Variants in NECAB1 observed in about 807,000 individuals in gnomAD.
NECAB1 encodes the protein N-terminal EF-hand calcium-binding protein 1.
In NECAB1, 29 loss-of-function variants were observed where a neutral mutation model predicts 57.5. The ratio of observed to expected loss-of-function variants is 0.50; its 90% CI spans 0.38 to 0.69. The LOEUF (loss-of-function observed/expected upper bound fraction) is 0.69, where lower values mean the gene tolerates loss of function less well. Among genes scored for constraint, NECAB1 ranks in the 30% least tolerant of loss-of-function variants. The pLI is 0.00. For synonymous variants in NECAB1, 142 were observed against 147.7 expected, an observed-to-expected ratio of 0.96 and a Z score of 0.28; for missense variants, 372 against 413.8, an observed-to-expected ratio of 0.90 and a Z score of 0.88.
At chr8:90,881,472 G>A (rs1808835892) in intron 5 of NECAB1, among the ~76,000 whole-genome samples, 3 of 152,126 alleles carry the variant, frequency 2.0e-5, no homozygotes, top group Non-Finnish European at 4.4e-5. Context: ...GGGGCCTGGT[G>A]GGAGATGATT....
At chr8:90,825,709 A>G (rs1394702273) in intron 3 of NECAB1, among the ~76,000 whole-genome samples, 7 of 151,922 alleles carry the variant, frequency 4.6e-5, no homozygotes, top group Admixed American at 1.3e-4. Flanking sequence ...AAGAAAAATT[A>G]AAAGATTAAA....
At chr8:90,928,883 TTTAG>T (rs1810340981) in intron 8 of NECAB1, among the ~76,000 whole-genome samples, 1 of 152,212 alleles carries the variant, frequency 6.6e-6, no homozygotes, top group Non-Finnish European at 1.5e-5. Context: ...TTTTTATTAA[TTTAG>T]TTAGTACCAA....
chr8:90,862,162 G>A lies in NECAB1; in HGVS notation c.234-9966G>A, dbSNP rs1399308769. 3.3e-5 allele frequency among the ~76,000 whole-genome samples: 5 copies of A among 152,276 alleles called. 1 individual carries two copies. The East Asian group carries it at 9.6e-4, about 29-fold the overall frequency. On this transcript the variant is annotated intron_variant, in intron 3 of 12. Coordinates refer to ENST00000417640, the MANE Select transcript of NECAB1 (RefSeq NM_022351.5). Reference sequence around the variant, plus strand: ...ATACTCTATATGGATAAAGACAGATGTCTGAGATATGTTTTCAAGTAAATC... The same window carrying A: ...ATACTCTATATGGATAAAGACAGATATCTGAGATATGTTTTCAAGTAAATC...
intron 3 of NECAB1, among the ~76,000 whole-genome samples, chr8:90,866,033 A>G (rs1224017139): frequency 6.6e-6 from 1 of 152,216 alleles, no homozygotes; most frequent in Admixed American, 6.6e-5. Flanking sequence ...AATTCATGGA[A>G]TTAAGAACAA....
rs1554575432 is a variant in NECAB1 at position 90,917,870 on chromosome 8, A to ATATATATATATGTG, written c.494+243_494+244insATATATATATGTGT. Among the ~76,000 whole-genome samples, 278 of 64,264 alleles carry ATATATATATATGTG rather than the reference A, an allele frequency of 4.3e-3. 9 individuals carry two copies. Among genetic ancestry groups the ATATATATATATGTG allele is most frequent in the African/African-American group, 0.023 (219 of 9,522 alleles). 42.2% of individuals were successfully genotyped at this position (64,264 alleles called of 152,430 possible). On this transcript the variant is annotated intron_variant, in intron 6 of 12. Coordinates refer to ENST00000417640, the MANE Select transcript of NECAB1 (RefSeq NM_022351.5). ...TATATATATATATATATATATATATATGTGTGTGTGTGCGTGTATATATAT... is the reference window on the plus strand; with the variant it reads ...TATATATATATATATATATATATATATATATATATATGTGTGTGTGTGTGTGCGTGTATATATAT...
chr8:90,915,469 A>G (rs1042432940), intron 5 of NECAB1, among the ~76,000 whole-genome samples: 1 of 152,200 alleles, frequency 6.6e-6, no homozygotes, highest in Non-Finnish European at 1.5e-5. Flanking sequence ...TATTATAAGC[A>G]TGTAATGGTT....
rs376180516 is a variant in NECAB1, at chr8:90,881,178, A to T, written c.357+48A>T. On this transcript the variant is annotated intron_variant, in intron 5 of 12. Transcript: ENST00000417640. ...TTTCTATAAAAATCTCTTCTTTGAA[A>T]AAGATTTTTCTTGAAAATCATACCT... 1.3e-4 allele frequency: 171 copies of T among 1,340,032 alleles called. No individual in the cohort carries two copies. In the African/African-American group the frequency reaches 2.2e-3, roughly 17 times the overall value. The allele number at this position is 1,340,032 out of a possible 1,614,324, so 83.0% of individuals were successfully genotyped here. A position where few individuals can be genotyped will look rare whatever the true frequency, so the allele number is the denominator to read the frequency against.
intron 5 of NECAB1, among the ~76,000 whole-genome samples, chr8:90,907,845 T>C (rs958442210): frequency 6.6e-6 from 1 of 152,210 alleles, no homozygotes; most frequent in African/African-American, 2.4e-5. Flanking sequence ...CAGAATATTT[T>C]GGTATTCTTT....
rs201482628 is a variant in NECAB1 at position 90,896,878 on chromosome 8, C to T, written c.357+15748C>T. ...GCCCTGACTCCCGCCAAAGCACTCA[C>T]CACTTCATTCTCTTTAAATTAGCCA... On this transcript the variant is annotated intron_variant, in intron 5 of 12. Transcript: ENST00000417640. Among the ~76,000 whole-genome samples the T allele has an allele frequency of 7.8e-3, 1,187 of 152,122 alleles. 24 individuals carry two copies. Among genetic ancestry groups the T allele is most frequent in the East Asian group, 0.072 (370 of 5,130 alleles).
intron 3 of NECAB1, among the ~76,000 whole-genome samples, chr8:90,867,947 A>G (rs184067974): frequency 1.1e-3 from 168 of 152,226 alleles, no homozygotes; most frequent in Non-Finnish European, 7.4e-5. Flanking sequence ...ATAATCCCCA[A>G]TGTTGGGAGA....
chr8:90,857,215 A>G (rs1812810227), intron 3 of NECAB1, among the ~76,000 whole-genome samples: 1 of 152,290 alleles, frequency 6.6e-6, no homozygotes, highest in African/African-American at 2.4e-5. Context: ...AAGTGCCTAA[A>G]TTTCTATGTT....
chr8:90,899,345 A>G (rs1161955661), intron 5 of NECAB1, among the ~76,000 whole-genome samples: 1 of 152,190 alleles, frequency 6.6e-6, no homozygotes, highest in Non-Finnish European at 1.5e-5. Context: ...ATGGGCAAAA[A>G]TTCAAGAATC....
chr8:90,924,666 T>A (rs905324892), intron 6 of NECAB1, among the ~76,000 whole-genome samples: 4 of 152,156 alleles, frequency 2.6e-5, no homozygotes, highest in Non-Finnish European at 5.9e-5. Flanking sequence ...TAGACCAAGA[T>A]GTTTGTTGGC....
At chr8:90,792,087 C>A in intron 1 of NECAB1, 102 bp downstream of exon 1, 2 of 900,284 alleles carry the variant, frequency 2.2e-6, no homozygotes, top group Non-Finnish European at 3.5e-6. Flanking sequence ...ATGCTTTGTC[C>A]CCAGAACACA....
intron 1 of NECAB1, among the ~76,000 whole-genome samples, chr8:90,793,982 T>C (rs950932689): frequency 2.6e-5 from 4 of 152,312 alleles, no homozygotes; most frequent in Admixed American, 6.5e-5. Flanking sequence ...CTAAAGGAAC[T>C]TGTAGTCTGT....
Position 90,947,351 on chromosome 8 carries a change from C to CACACACACACACACACACACACACAG in NECAB1, c.861-2455_861-2454insCACACACACACACACACACACACAGA, listed in dbSNP as rs1342952213. Among the ~76,000 whole-genome samples the CACACACACACACACACACACACACAG allele has an allele frequency of 2.6e-4, 33 of 125,246 alleles. 2 individuals are homozygous for CACACACACACACACACACACACACAG. The highest frequency in any genetic ancestry group is 7.9e-4 in the East Asian group (3 of 3,808). 82.2% of individuals were successfully genotyped at this position (125,246 alleles called of 152,430 possible). ...ACACACACACACACACACACACACA[C>CACACACACACACACACACACACACAG]AATAAGCCAAGTACTGAGTTAAGAA... is the stretch of plus-strand genomic sequence containing the variant. On this transcript the variant is annotated intron_variant, in intron 10 of 12. Transcript: ENST00000417640.
chr8:90,868,767 T>C (rs1302022797), intron 3 of NECAB1, among the ~76,000 whole-genome samples: 4 of 152,200 alleles, frequency 2.6e-5, no homozygotes, highest in Non-Finnish European at 4.4e-5. Context: ...TCTCAGCCCA[T>C]CCATGTGGTA....
At chr8:90,945,228 C>T (rs532149088) in intron 10 of NECAB1, among the ~76,000 whole-genome samples, 38 of 152,028 alleles carry the variant, frequency 2.5e-4, no homozygotes, top group Admixed American at 1.3e-4. Flanking sequence ...CTGCCACACC[C>T]GGCTAATTTT....
At chr8:90,898,959 G>A (rs563928261) in intron 5 of NECAB1, among the ~76,000 whole-genome samples, 1 of 152,314 alleles carries the variant, frequency 6.6e-6, no homozygotes, top group East Asian at 1.9e-4. Context: ...GAGATATGTT[G>A]GGAGAAATGC....
Sources: allele counts gnomAD v4.1 joint callset (sites outside exome capture counted in the v4.1 genomes callset), GRCh38; gene constraint gnomAD v4.1.1; transcripts MANE v1.5; gene names NCBI Gene and HGNC (gene_info 2026-07-23, HGNC 2026-07-21).